The following FOXA2 variants were observed in gnomAD, a reference collection of about 807,000 sequenced individuals.
FOXA2 encodes forkhead box A2.
A neutral mutation model predicts 33.3 loss-of-function variants in FOXA2; 9 were observed. The ratio of observed to expected loss-of-function variants is 0.27; its 90% CI spans 0.16 to 0.47. The LOEUF (loss-of-function observed/expected upper bound fraction) is 0.47, where lower values mean the gene tolerates loss of function less well. Among genes scored for constraint, FOXA2 ranks in the 20% least tolerant of loss-of-function variants. The probability of loss-of-function intolerance (pLI) is 0.99; values close to 1 mark genes in which losing one functional copy is unlikely to be tolerated. For missense variants in FOXA2, 704 were observed against 659.9 expected, an observed-to-expected ratio of 1.07 and a Z score of -0.73; for synonymous variants, 329 against 289.4, an observed-to-expected ratio of 1.14 and a Z score of -1.39.
chr20:22,581,607 T>C lies in FOXA2; in HGVS notation c.*243A>G, dbSNP rs1984572564. 7.3e-6 allele frequency: 3 copies of C among 411,828 alleles called. No individual in the cohort carries two copies. The highest frequency in any genetic ancestry group is 2.0e-5 in the African/African-American group (1 of 49,834). The allele number at this position is 411,828 out of a possible 1,614,324, so 25.5% of individuals were successfully genotyped here. On this transcript the variant is annotated 3_prime_UTR_variant, in exon 2 of 2. Coordinates refer to ENST00000419308, the MANE Select transcript of FOXA2 (RefSeq NM_021784.5). The stretch of plus-strand genomic sequence containing the variant: ...CGGAGGCTTTTTTTTAACTTTATAT[T>C]CTTTCCCGTTTTCCTCCTTATATAG...
chr20:22,583,142 C>G lies in FOXA2; in HGVS notation c.100G>C (p.Val34Leu), dbSNP rs1354470431. 14 of 1,602,232 alleles carry G rather than the reference C, an allele frequency of 8.7e-6. No individual in the cohort carries two copies. The highest frequency in any genetic ancestry group is 1.2e-5 in the Non-Finnish European group (14 of 1,179,796). The change falls in exon 2 of 2, where the codon GTG (valine) becomes CTG (leucine). Residue 34 changes from valine to leucine, a missense_variant. Val to Leu is a conservative substitution (Grantham distance 32, BLOSUM62 1). Transcript: ENST00000419308. ...CCCAGGCCGGCGTTCATGTTGCTCACGGAGGAGTAGCCCTGCGGACAGAGC... is the reference window on the plus strand; with the variant it reads ...CCCAGGCCGGCGTTCATGTTGCTCAGGGAGGAGTAGCCCTGCGGACAGAGC... Reference protein sequence around the residue: ...YYAEPEGYSSVSNMNAGLGMN... With the variant: ...YYAEPEGYSSLSNMNAGLGMN...
At position 22,581,805 on chromosome 20, in the gene FOXA2, C is replaced by T; in HGVS notation, c.*45G>A. 1.9e-6 allele frequency: 3 copies of T among 1,584,426 alleles called. No individual in the cohort carries two copies. The highest frequency in any genetic ancestry group is 2.6e-6 in the Non-Finnish European group (3 of 1,156,688). On this transcript the variant is annotated 3_prime_UTR_variant, in exon 2 of 2. Coordinates refer to ENST00000419308, the MANE Select transcript of FOXA2 (RefSeq NM_021784.5). The stretch of plus-strand genomic sequence containing the variant: ...CCCCACTTGCTCTCTCACTTGTCCT[C>T]GATCCGGGGTGCCAGAGTTAGCCGG...
Position 22,582,623 on chromosome 20 carries a change from G to T in FOXA2, c.619C>A (p.Gln207Lys). Residue 207 changes from glutamine (Q) to lysine (K), a missense_variant, in exon 2 of 2, where the codon CAG (glutamine) becomes AAG (lysine). By Grantham distance (53) the Gln-to-Lys change is moderately conservative (BLOSUM62 1). Coordinates refer to ENST00000419308, the MANE Select transcript of FOXA2 (RefSeq NM_021784.5). ...DLFPFYRQNQ[Q>K]RWQNSIRHSL... ...TGGCGGATGGAGTTCTGCCAGCGCT[G>T]CTGGTTCTGCCGGTAGAAGGGGAAG... is the stretch of plus-strand genomic sequence containing the variant. The T allele has an allele frequency of 6.2e-7, 1 of 1,614,160 alleles. No individual in the cohort carries two copies. Among genetic ancestry groups the T allele is most frequent in the Non-Finnish European group, 8.5e-7 (1 of 1,180,038 alleles).
Position 22,583,105 on chromosome 20 carries a change from A to G in FOXA2, c.137T>C (p.Met46Thr), listed in dbSNP as rs1355428166. ...CGCCGACATGCTCATGTACGTGTTC[A>G]TGCCGTTCATCCCCAGGCCGGCGTT... ...NMNAGLGMNGMNTYMSMSAAA... is the reference protein window; with the variant it reads ...NMNAGLGMNGTNTYMSMSAAA... Residue 46 changes from methionine to threonine, a missense_variant, in exon 2 of 2, where the codon ATG becomes ACG. By Grantham distance (81) the Met-to-Thr change is moderately conservative. This residue lies in a region of FOXA2 where 304 missense variants were observed against 251.7 expected (regional missense o/e 1.21). Coordinates refer to ENST00000419308, the MANE Select transcript of FOXA2 (RefSeq NM_021784.5). The G allele has an allele frequency of 1.2e-6, 2 of 1,607,924 alleles. No individual in the cohort carries two copies. Among genetic ancestry groups the G allele is most frequent in the Non-Finnish European group, 1.7e-6 (2 of 1,179,856 alleles).
upstream of FOXA2, among the ~76,000 whole-genome samples, chr20:22,584,852 AGCCGCAGCCG>A (rs1984723016): frequency 6.6e-6 from 1 of 152,072 alleles, no homozygotes; most frequent in African/African-American, 2.4e-5. Context: ...GGTGAGAGGT[AGCCGCAGCCG>A]GCGCTCCGCA....
chr20:22,584,628 G>A (rs1364378157), upstream of FOXA2, among the ~76,000 whole-genome samples: 2 of 150,422 alleles, frequency 1.3e-5, no homozygotes, highest in Non-Finnish European at 3.0e-5. Flanking sequence ...GTGGGGGGGT[G>A]GGGAGGAGGA....
At position 22,583,152 on chromosome 20, in the gene FOXA2, G is replaced by A. The variant is rs780995619; in HGVS notation, c.90C>T (p.Gly30=). ...DWSSYYAEPE[G]YSSVSNMNAG... is the part of the protein sequence containing the mutation. ...CGTTCATGTTGCTCACGGAGGAGTA[G>A]CCCTGCGGACAGAGCCCCGGGAGGG... The change falls in exon 2 of 2, where the codon GGC becomes GGT. Residue 30 remains glycine (G), a splice_region_variant and synonymous_variant. Coordinates refer to ENST00000419308, the MANE Select transcript of FOXA2 (RefSeq NM_021784.5). 13 of 1,601,230 alleles carry A rather than the reference G, an allele frequency of 8.1e-6. No individual in the cohort carries two copies. Among genetic ancestry groups the A allele is most frequent in the Admixed American group, 3.3e-5 (2 of 60,018 alleles).
chr20:22,582,177 C>T lies in FOXA2; in HGVS notation c.1065G>A (p.Leu355=), dbSNP rs1224012959. Residue 355 remains leucine (L), a synonymous_variant, in exon 2 of 2, where the codon CTG becomes CTA. Coordinates refer to ENST00000419308, the MANE Select transcript of FOXA2 (RefSeq NM_021784.5). ...PGQQQQAAAH[L]LGPPHHPGLP... is the part of the protein sequence containing the mutation. ...GGCCCGGGTGGTGGGGCGGGCCCAG[C>T]AGGTGGGCCGCGGCCTGCTGCTGCT... 1.9e-6 allele frequency: 3 copies of T among 1,555,256 alleles called. No homozygotes were observed. In the East Asian group the frequency reaches 7.3e-5, roughly 38 times the overall value.
chr20:22,584,629 GGGAGGAGGAGGAGGAA>G (rs1383075853), upstream of FOXA2, among the ~76,000 whole-genome samples: 1 of 149,508 alleles, frequency 6.7e-6, no homozygotes, highest in African/African-American at 2.5e-5. Context: ...TGGGGGGGTG[GGGAGGAGGAGGAGGAA>G]GGAGGAGGAG....
rs1403066399 is a variant in FOXA2, at chr20:22,583,094, T to C, written c.148A>G (p.Met50Val). Residue 50 changes from methionine to valine, a missense_variant, in exon 2 of 2, where the codon ATG becomes GTG. By Grantham distance (21) the Met-to-Val change is conservative. Coordinates refer to ENST00000419308, the MANE Select transcript of FOXA2 (RefSeq NM_021784.5). ...GLGMNGMNTYMSMSAAAMGSG... is the reference protein window; with the variant it reads ...GLGMNGMNTYVSMSAAAMGSG... ...CCCATGGCGGCCGCCGACATGCTCA[T>C]GTACGTGTTCATGCCGTTCATCCCC... The C allele has an allele frequency of 2.5e-6, 4 of 1,608,948 alleles. No individual in the cohort carries two copies. The highest frequency in any genetic ancestry group is 2.7e-5 in the African/African-American group (2 of 74,928).
intron 1 of FOXA2, among the ~76,000 whole-genome samples, chr20:22,583,960 G>A (rs1278772784): frequency 6.6e-6 from 1 of 152,162 alleles, no homozygotes; most frequent in Non-Finnish European, 1.5e-5. Context: ...AGAGGATTTG[G>A]AGGCGCCGCA....
At chr20:22,585,083 T>C (rs1984730862), upstream of FOXA2, among the ~76,000 whole-genome samples, 1 of 152,102 alleles carries the variant, frequency 6.6e-6, no homozygotes, top group African/African-American at 2.4e-5. Context: ...CCCCGCCCCG[T>C]CTCATCGCGC....
At position 22,582,386 on chromosome 20, in the gene FOXA2, C is replaced by T. The variant is rs1178628298; in HGVS notation, c.856G>A (p.Ala286Thr). 13 of 1,540,328 alleles carry T rather than the reference C, an allele frequency of 8.4e-6. No homozygotes were observed. In the South Asian group the frequency reaches 1.3e-4, roughly 15 times the overall value. The stretch of plus-strand genomic sequence containing the variant: ...CCGAGTTGAGCCTGTGAGGCCTGGG[C>T]TCCGGCGGCCGCCTTCTTGCCGCTG... ...AGSGKKAAAG[A>T]QASQAQLGEA... The change falls in exon 2 of 2, where the codon GCC becomes ACC. Residue 286 changes from alanine (A) to threonine (T), a missense_variant. Ala to Thr is a moderately conservative substitution (Grantham distance 58). This residue lies in a region of FOXA2 where 343 missense variants were observed against 274.8 expected (regional missense o/e 1.25). Coordinates refer to ENST00000419308, the MANE Select transcript of FOXA2 (RefSeq NM_021784.5).
Position 22,583,070 on chromosome 20 carries a change from CCATGGCGGCCGCCGA to C in FOXA2, c.157_171del (p.Ser53_Met57del), listed in dbSNP as rs562261138. Reference sequence around the variant, plus strand: ...GCGCTCATGTTGCCCGAGCCGCTGCCCATGGCGGCCGCCGACATGCTCATGTACGTGTTCATGCCG... The same window carrying C: ...GCGCTCATGTTGCCCGAGCCGCTGCCCATGCTCATGTACGTGTTCATGCCG... On this transcript the variant is annotated inframe_deletion, in exon 2 of 2. Transcript: ENST00000419308. The C allele has an allele frequency of 8.6e-5, 138 of 1,609,858 alleles. No individual in the cohort carries two copies. The South Asian group carries it at 1.4e-3, about 16-fold the overall frequency.
In FOXA2 at chr20:22,581,543, G is replaced by C. The variant is rs1436562899; in HGVS notation, c.*307C>G. On this transcript the variant is annotated 3_prime_UTR_variant, in exon 2 of 2. Coordinates refer to ENST00000419308, the MANE Select transcript of FOXA2 (RefSeq NM_021784.5). ...AACAACAAAAAAATCAGAATCTGCA[G>C]GTGCTTGAAGAAGCAGGAGTCTACA... The C allele has an allele frequency of 4.0e-6, 1 of 250,836 alleles. No homozygotes were observed. The highest frequency in any genetic ancestry group is 2.2e-5 in the African/African-American group (1 of 44,750). The allele number at this position is 250,836 out of a possible 1,614,324, so 15.5% of individuals were successfully genotyped here. A position where few individuals can be genotyped will look rare whatever the true frequency, so the allele number is the denominator to read the frequency against.
At position 22,582,671 on chromosome 20, in the gene FOXA2, T is replaced by G; in HGVS notation, c.571A>C (p.Ile191Leu). ...SPNKMLTLSE[I>L]YQWIMDLFPF... ...AAGAGGTCCATGATCCACTGGTAGA[T>G]CTCGCTCAGCGTCAGCATCTTGTTG... The change falls in exon 2 of 2, where the codon ATC becomes CTC. Residue 191 changes from isoleucine to leucine, a missense_variant. Ile to Leu is a conservative substitution (Grantham distance 5). Transcript: ENST00000419308. The G allele has an allele frequency of 6.2e-7, 1 of 1,614,078 alleles. No individual in the cohort carries two copies.
Position 22,582,193 on chromosome 20 carries a change from T to A in FOXA2, c.1049A>T (p.Gln350Leu). 2 of 1,549,030 alleles carry A rather than the reference T, an allele frequency of 1.3e-6. No individual in the cohort carries two copies. Among genetic ancestry groups the A allele is most frequent in the Admixed American group, 2.0e-5 (1 of 50,900 alleles). ...EPAPSPGQQQ[Q>L]AAAHLLGPPH... ...CGGGCCCAGCAGGTGGGCCGCGGCC[T>A]GCTGCTGCTGCCCGGGAGAGGGCGC... is the stretch of plus-strand genomic sequence containing the variant. Residue 350 changes from glutamine (Q) to leucine (L), a missense_variant, in exon 2 of 2, where the codon CAG (glutamine) becomes CTG (leucine). By Grantham distance (113) the Gln-to-Leu change is moderately radical (BLOSUM62 -2). Transcript: ENST00000419308.
upstream of FOXA2, among the ~76,000 whole-genome samples, chr20:22,584,813 A>G (rs1208288858): frequency 6.6e-6 from 1 of 152,016 alleles, no homozygotes; most frequent in African/African-American, 2.4e-5. Flanking sequence ...GACCCGGGGC[A>G]GCCCATTTGA....
intron 1 of FOXA2, 88 bp from the exon 2 acceptor site, chr20:22,583,242 G>T: frequency 1.4e-6 from 2 of 1,455,068 alleles, no homozygotes; most frequent in Non-Finnish European, 1.9e-6. Context: ...CCAGGCCTCC[G>T]CGTCCGGGGA....
Sources: gnomAD v4.1 joint callset for allele counts (sites outside exome capture counted in the v4.1 genomes callset) on GRCh38, gnomAD v4.1.1 for gene constraint, gnomAD v4.1.1 regional missense constraint, MANE v1.5 for transcripts, NCBI Gene and HGNC (gene_info 2026-07-23, HGNC 2026-07-21) for gene names.